The following KLHL18 variants were observed in gnomAD, a reference collection of about 807,000 sequenced individuals.
The protein encoded by KLHL18 is kelch like family member 18, also known as kelch-like protein 18.
A neutral mutation model predicts 58.5 loss-of-function variants in KLHL18; 38 were observed. That is an observed-to-expected ratio of 0.65 (90% CI 0.50 to 0.85). KLHL18 has a LOEUF of 0.85. Among genes scored for constraint, KLHL18 ranks in the 40% least tolerant of loss-of-function variants. The probability of loss-of-function intolerance (pLI) is 0.00; values close to 1 mark genes in which losing one functional copy is unlikely to be tolerated. For missense variants in KLHL18, 624 were observed against 778.4 expected (o/e 0.80, Z 2.36); for synonymous variants, 303 against 301.9 (o/e 1.00, Z -0.04).
intron 3 of KLHL18, among the ~76,000 whole-genome samples, chr3:47,327,069 T>C (rs1248320024): frequency 6.6e-6 from 1 of 151,468 alleles, no homozygotes; most frequent in Non-Finnish European, 1.5e-5. Context: ...TGAAATGCCA[T>C]CTCTACTAAA....
chr3:47,285,864 G>A (rs1289043489), intron 1 of KLHL18, among the ~76,000 whole-genome samples: 4 of 152,086 alleles, frequency 2.6e-5, no homozygotes, highest in African/African-American at 4.8e-5. Context: ...CTTGGGCAAC[G>A]TGGTGAAACC....
chr3:47,343,984 A>G lies in KLHL18; in HGVS notation c.*43A>G, dbSNP rs749661849. ...GGTGGGGCAGGGATCTGGTACAGAC[A>G]TAGGCGCTTCCTTCCAGGAACAGTC... On this transcript the variant is annotated 3_prime_UTR_variant, in exon 10 of 10. Coordinates refer to ENST00000232766, the MANE Select transcript of KLHL18 (RefSeq NM_025010.5). 2.5e-6 allele frequency: 4 copies of G among 1,593,534 alleles called. No homozygotes were observed. The highest frequency in any genetic ancestry group is 2.2e-5 in the South Asian group (2 of 89,862).
At chr3:47,308,344 C>T in intron 1 of KLHL18, among the ~76,000 whole-genome samples, 1 of 152,102 alleles carries the variant, frequency 6.6e-6, no homozygotes, top group East Asian at 1.9e-4. Flanking sequence ...TTGAACCTGT[C>T]ACCCAAATAG....
chr3:47,343,950 A>G lies in KLHL18; in HGVS notation c.*9A>G, dbSNP rs200582126. ...CTCTCCTCACCATCTAAGGCAGAGG[A>G]TGGGATGTGGTGGGGCAGGGATCTG... is the stretch of plus-strand genomic sequence containing the variant. On this transcript the variant is annotated 3_prime_UTR_variant, in exon 10 of 10. Transcript: ENST00000232766. The G allele has an allele frequency of 2.0e-4, 326 of 1,611,912 alleles. No homozygotes were observed. Among genetic ancestry groups the G allele is most frequent in the Middle Eastern group, 8.3e-4 (5 of 6,028 alleles).
At chr3:47,311,494 C>T (rs1412101127) in intron 1 of KLHL18, among the ~76,000 whole-genome samples, 1 of 151,956 alleles carries the variant, frequency 6.6e-6, no homozygotes, top group African/African-American at 2.4e-5. Context: ...AGATCAAGAC[C>T]ATTCTGGCTA....
rs1192160675 is a variant in KLHL18 at position 47,343,885 on chromosome 3, A to G, written c.1669A>G (p.Met557Val). Reference protein sequence around the residue: ...ETDCWTFMAPMACHEGGVGVG... With the variant: ...ETDCWTFMAPVACHEGGVGVG... ...AGACTGCTGGACATTCATGGCCCCC[A>G]TGGCGTGCCATGAGGGAGGGGTCGG... The change falls in exon 10 of 10, where the codon ATG (methionine) becomes GTG (valine). Residue 557 changes from methionine to valine, a missense_variant. Transcript: ENST00000232766. The G allele has an allele frequency of 6.2e-7, 1 of 1,614,004 alleles. No individual in the cohort carries two copies. Among genetic ancestry groups the G allele is most frequent in the East Asian group, 2.2e-5 (1 of 44,890 alleles).
intron 1 of KLHL18, among the ~76,000 whole-genome samples, chr3:47,307,468 C>G (rs1241052697): frequency 6.6e-6 from 1 of 151,902 alleles, no homozygotes; most frequent in African/African-American, 2.4e-5. Context: ...ATCCTAATCT[C>G]AAGGTCAAAA....
intron 3 of KLHL18, among the ~76,000 whole-genome samples, chr3:47,324,298 CTTTTTT>C (rs769288621): frequency 0.01 from 377 of 37,480 alleles, 7 homozygotes; most frequent in Admixed American, 0.04. Context: ...TTCTTTCTTT[CTTTTTT>C]TTTTTTTTTT....
intron 1 of KLHL18, among the ~76,000 whole-genome samples, chr3:47,311,290 A>G (rs1703293733): frequency 6.6e-6 from 1 of 152,098 alleles, no homozygotes; most frequent in Non-Finnish European, 1.5e-5. Context: ...TGTCCCATCT[A>G]TTTAGTCAGC....
chr3:47,289,320 C>G (rs1702741987), intron 1 of KLHL18, among the ~76,000 whole-genome samples: 1 of 152,182 alleles, frequency 6.6e-6, no homozygotes, highest in African/African-American at 2.4e-5. Flanking sequence ...GAACCTGGCT[C>G]TGATAATTTA....
chr3:47,338,473 T>G (rs1704034720), intron 7 of KLHL18: 1 of 152,272 alleles, frequency 6.6e-6, no homozygotes, highest in African/African-American at 2.4e-5. Flanking sequence ...GGGTCAGTTA[T>G]CATGTCCCTG....
Position 47,322,553 on chromosome 3 carries a change from C to G in KLHL18, c.261-15C>G. The G allele has an allele frequency of 1.9e-6, 3 of 1,580,022 alleles. No individual in the cohort carries two copies. The highest frequency in any genetic ancestry group is 2.6e-6 in the Non-Finnish European group (3 of 1,164,198). ...GTCTCTGAAAGCACCTCACAGCTTT[C>G]CCTCTTTCCTCTAGTGCCCTGGAGG... On this transcript the variant is annotated splice_polypyrimidine_tract_variant and intron_variant, in intron 2 of 9. Coordinates refer to ENST00000232766, the MANE Select transcript of KLHL18 (RefSeq NM_025010.5).
At chr3:47,287,771 C>T (rs555586102) in intron 1 of KLHL18, among the ~76,000 whole-genome samples, 55 of 152,234 alleles carry the variant, frequency 3.6e-4, no homozygotes, top group African/African-American at 9.6e-4. Flanking sequence ...AGGCATCAGC[C>T]ACCACGCCCG....
At chr3:47,289,659 C>A (rs146657483) in intron 1 of KLHL18, among the ~76,000 whole-genome samples, 116 of 152,272 alleles carry the variant, frequency 7.6e-4, no homozygotes, top group African/African-American at 2.6e-3. Context: ...TGGCTCACAT[C>A]TGTAATCTCA....
At chr3:47,305,729 T>G (rs1703131672) in intron 1 of KLHL18, among the ~76,000 whole-genome samples, 1 of 152,198 alleles carries the variant, frequency 6.6e-6, no homozygotes, top group Non-Finnish European at 1.5e-5. Context: ...TGAAACCATC[T>G]GGACCTGGTA....
chr3:47,303,100 C>T (rs1218589091), intron 1 of KLHL18, among the ~76,000 whole-genome samples: 2 of 152,190 alleles, frequency 1.3e-5, no homozygotes, highest in Non-Finnish European at 2.9e-5. Flanking sequence ...TCATAAATCC[C>T]GTGACGTCAT....
At chr3:47,327,205 C>G (rs143541131) in intron 3 of KLHL18, among the ~76,000 whole-genome samples, 157 of 152,224 alleles carry the variant, frequency 1.0e-3, no homozygotes, top group African/African-American at 3.0e-3. Flanking sequence ...TGCCGCTGCA[C>G]TCTAGCCTCG....
chr3:47,343,483 C>T (rs1053183169), intron 9 of KLHL18, 72 bp from the exon 10 acceptor site: 9 of 1,563,360 alleles, frequency 5.8e-6, no homozygotes, highest in Middle Eastern at 2.3e-4. Flanking sequence ...GCTGCTGTGC[C>T]CTGCACGGTC....
chr3:47,309,751 A>G (rs1576154001), intron 1 of KLHL18, among the ~76,000 whole-genome samples: 1 of 152,192 alleles, frequency 6.6e-6, no homozygotes, highest in African/African-American at 2.4e-5. Flanking sequence ...CAATCCCGGC[A>G]CCTCGGGAGG....
Sources: gnomAD v4.1 joint callset for allele counts (sites outside exome capture counted in the v4.1 genomes callset) on GRCh38, gnomAD v4.1.1 for gene constraint, MANE v1.5 for transcripts, NCBI Gene and HGNC (gene_info 2026-07-23, HGNC 2026-07-21) for gene names.